FHIT: variants seen among roughly 807,000 people sequenced by gnomAD.
FHIT encodes the protein fragile histidine triad diadenosine triphosphatase.
FHIT carries 19 observed loss-of-function variants against 17.9 expected under a neutral mutation model. The observed-to-expected ratio is 1.06, with a 90% CI of 0.74 to 1.56. The LOEUF (loss-of-function observed/expected upper bound fraction) is 1.56. Among genes scored for constraint, FHIT ranks in the 40% most tolerant of loss-of-function variants. The pLI, the probability that FHIT is intolerant of heterozygous loss-of-function variation, is 0.00. For missense variants in FHIT, 248 were observed against 189.2 expected (o/e 1.31, Z -1.82); for synonymous variants, 81 against 69.7 (o/e 1.16, Z -0.81).
chr3:60,656,873 C>T (rs1352076192), intron 4 of FHIT, among the ~76,000 whole-genome samples: 1 of 152,016 alleles, frequency 6.6e-6, no homozygotes, highest in Non-Finnish European at 1.5e-5. Context: ...AATACTTTTC[C>T]CTTTCAAATA....
intron 8 of FHIT, among the ~76,000 whole-genome samples, chr3:59,825,978 T>C (rs916865256): frequency 6.6e-6 from 1 of 152,202 alleles, no homozygotes; most frequent in African/African-American, 2.4e-5. Flanking sequence ...TTGCTAAAAA[T>C]AAGGAATATT....
chr3:60,415,753 C>G (rs1295667367), intron 5 of FHIT, among the ~76,000 whole-genome samples: 6 of 148,446 alleles, frequency 4.0e-5, no homozygotes, highest in South Asian at 2.1e-4. Context: ...AAAAAAGTCT[C>G]TATCATGGAT....
chr3:60,858,680 C>T (rs782693635), intron 3 of FHIT, among the ~76,000 whole-genome samples: 1 of 152,128 alleles, frequency 6.6e-6, no homozygotes, highest in African/African-American at 2.4e-5. Context: ...ACAAGGCTCA[C>T]CACTAATCGG....
intron 5 of FHIT, among the ~76,000 whole-genome samples, chr3:60,117,749 G>T (rs1705038174): frequency 6.6e-6 from 1 of 152,086 alleles, no homozygotes; most frequent in Admixed American, 6.6e-5. Context: ...TGGCTGCAAG[G>T]GTAGATGATG....
intron 2 of FHIT, among the ~76,000 whole-genome samples, chr3:61,110,345 C>A (rs2036120685): frequency 6.6e-6 from 1 of 152,112 alleles, no homozygotes; most frequent in Non-Finnish European, 1.5e-5. Context: ...CATATGGCTT[C>A]TTCCTTACTC....
chr3:59,903,031 C>T (rs774644721), intron 8 of FHIT, among the ~76,000 whole-genome samples: 60 of 152,078 alleles, frequency 3.9e-4, no homozygotes, highest in Non-Finnish European at 8.8e-5. Context: ...ACAATGTATA[C>T]GTATGTTAAA....
chr3:61,050,468 A>G (rs930298202), intron 2 of FHIT, among the ~76,000 whole-genome samples: 1 of 152,206 alleles, frequency 6.6e-6, no homozygotes, highest in African/African-American at 2.4e-5. Flanking sequence ...GCAAATATGG[A>G]CTGGATATTA....
rs187478982 is a variant in FHIT, at chr3:59,804,943, C to G, written c.349-52622G>C. ...TTGGTGGGCTCTCTCGAGACAGGTACCTGTACTTACTTGGTATTGGAGTGC... is the reference window on the plus strand; with the variant it reads ...TTGGTGGGCTCTCTCGAGACAGGTAGCTGTACTTACTTGGTATTGGAGTGC... On this transcript the variant is annotated intron_variant, in intron 8 of 9. Transcript: ENST00000492590. Among the ~76,000 whole-genome samples the G allele has an allele frequency of 3.3e-5, 5 of 152,246 alleles. No individual in the cohort carries two copies. The East Asian group carries it at 7.7e-4, about 24-fold the overall frequency.
intron 1 of FHIT, among the ~76,000 whole-genome samples, chr3:61,244,481 G>A (rs926476070): frequency 4.6e-5 from 7 of 152,142 alleles, no homozygotes; most frequent in Admixed American, 2.0e-4. Flanking sequence ...CCATGATGGG[G>A]TTCAGGACAT....
rs149782981 is a variant in FHIT, at chr3:60,688,723, T to G, written c.-18+133196A>C. Among the ~76,000 whole-genome samples the G allele has an allele frequency of 1.7e-3, 264 of 152,272 alleles. 1 individual carries two copies. Among genetic ancestry groups the G allele is most frequent in the African/African-American group, 6.1e-3 (252 of 41,558 alleles). On this transcript the variant is annotated intron_variant, in intron 4 of 9. Transcript: ENST00000492590. ...CTGGGATTACAGGTGTAAGCCCCTGTGTCCGGCCATGGTCAAATTATCTAA... is the reference window on the plus strand; with the variant it reads ...CTGGGATTACAGGTGTAAGCCCCTGGGTCCGGCCATGGTCAAATTATCTAA...
intron 5 of FHIT, among the ~76,000 whole-genome samples, chr3:60,237,193 C>T (rs1316343403): frequency 6.6e-6 from 1 of 151,842 alleles, no homozygotes; most frequent in Non-Finnish European, 1.5e-5. Context: ...GACTGGCTTC[C>T]CAGAGTATGG....
At chr3:60,925,727 A>G (rs574164619) in intron 3 of FHIT, among the ~76,000 whole-genome samples, 2 of 152,320 alleles carry the variant, frequency 1.3e-5, no homozygotes, top group African/African-American at 2.4e-5. Flanking sequence ...CCTTAAATGT[A>G]AATGGGCTAA....
intron 5 of FHIT, among the ~76,000 whole-genome samples, chr3:60,322,452 G>C (rs1709476956): frequency 6.6e-6 from 1 of 152,148 alleles, no homozygotes; most frequent in Admixed American, 6.5e-5. Flanking sequence ...GACCTTGGAG[G>C]CCATCTCCAA....
chr3:60,115,784 T>C (rs1045630001), intron 5 of FHIT, among the ~76,000 whole-genome samples: 4 of 152,098 alleles, frequency 2.6e-5, no homozygotes, highest in Non-Finnish European at 4.4e-5. Flanking sequence ...CATAGTAAAG[T>C]ATAAAAAAGT....
At chr3:61,189,804 G>A (rs921710812) in intron 2 of FHIT, among the ~76,000 whole-genome samples, 5 of 152,030 alleles carry the variant, frequency 3.3e-5, no homozygotes, top group Admixed American at 1.3e-4. Context: ...TCTGATCTTT[G>A]ACAAACCTGA....
chr3:60,005,063 C>G (rs1296368003), intron 7 of FHIT, among the ~76,000 whole-genome samples: 1 of 152,114 alleles, frequency 6.6e-6, no homozygotes, highest in African/African-American at 2.4e-5. Flanking sequence ...GGTTTGAAAC[C>G]AAGTAGTCTG....
intron 5 of FHIT, among the ~76,000 whole-genome samples, chr3:60,033,893 A>G (rs1002264462): frequency 6.6e-6 from 1 of 152,252 alleles, no homozygotes; most frequent in Non-Finnish European, 1.5e-5. Context: ...TGTTCTCAAA[A>G]GTCAAAACTA....
At chr3:61,089,894 A>G (rs1157996406) in intron 2 of FHIT, among the ~76,000 whole-genome samples, 1 of 152,212 alleles carries the variant, frequency 6.6e-6, no homozygotes, top group Non-Finnish European at 1.5e-5. Flanking sequence ...ATCTGTAGGT[A>G]TTCAAGTATA....
intron 5 of FHIT, among the ~76,000 whole-genome samples, chr3:60,219,019 C>T (rs1188583983): frequency 6.6e-6 from 1 of 152,084 alleles, no homozygotes; most frequent in African/African-American, 2.4e-5. Context: ...ACTGGTGAAA[C>T]TGGAAATCAC....
Sources: gnomAD v4.1 joint callset for allele counts (sites outside exome capture counted in the v4.1 genomes callset) on GRCh38, gnomAD v4.1.1 for gene constraint, MANE v1.5 for transcripts, NCBI Gene and HGNC (gene_info 2026-07-23, HGNC 2026-07-21) for gene names.